SEC22C: variants seen among roughly 807,000 people sequenced by gnomAD.
SEC22C encodes SEC22 homolog C, vesicle trafficking protein.
In SEC22C, 29 loss-of-function variants were observed where a neutral mutation model predicts 34.7. That is an observed-to-expected ratio of 0.84 (90% CI 0.62 to 1.14). The LOEUF (loss-of-function observed/expected upper bound fraction) is 1.14, where lower values mean the gene tolerates loss of function less well. Ranked by LOEUF, SEC22C falls within the 50% of genes most tolerant of loss-of-function variation. The pLI, the probability that SEC22C is intolerant of heterozygous loss-of-function variation, is 0.00. For missense variants in SEC22C, 337 were observed against 369.0 expected (o/e 0.91, Z 0.71); for synonymous variants, 117 against 132.8 (o/e 0.88, Z 0.82).
Position 42,551,333 on chromosome 3 carries a change from A to G in SEC22C, c.*1915T>C. 1.0e-6 allele frequency: 1 copy of G among 985,282 alleles called. No homozygotes were observed. The highest frequency in any genetic ancestry group is 1.2e-6 in the Non-Finnish European group (1 of 829,888). 61.0% of individuals were successfully genotyped at this position (985,282 alleles called of 1,614,324 possible). On this transcript the variant is annotated 3_prime_UTR_variant, in exon 7 of 7. Coordinates refer to ENST00000264454, the MANE Select transcript of SEC22C (RefSeq NM_032970.4). ...GAGTTTATGTCTGAGTATGCTGCCA[A>G]TATAATTTTCATATTCAGACTTTTT...
chr3:42,599,411 G>A (rs941749979), intron 1 of SEC22C, among the ~76,000 whole-genome samples: 2 of 151,734 alleles, frequency 1.3e-5, no homozygotes, highest in African/African-American at 2.4e-5. Flanking sequence ...AGTCTTTTCA[G>A]GCCGGGCGCG....
intron 1 of SEC22C, chr3:42,581,369 T>G (rs1183177805): frequency 6.6e-6 from 1 of 152,222 alleles, no homozygotes; most frequent in African/African-American, 2.4e-5. Flanking sequence ...TGTAAATCTG[T>G]AATGAACACA....
chr3:42,556,777 G>T (rs1702552655), intron 5 of SEC22C, among the ~76,000 whole-genome samples: 1 of 152,098 alleles, frequency 6.6e-6, no homozygotes, highest in Admixed American at 6.5e-5. Context: ...AGGCTAGAGT[G>T]CAGTGGCGCA....
At chr3:42,572,742 T>C (rs1358278596) in intron 1 of SEC22C, among the ~76,000 whole-genome samples, 4 of 152,164 alleles carry the variant, frequency 2.6e-5, no homozygotes, top group Non-Finnish European at 5.9e-5. Flanking sequence ...TAAGTTTCAA[T>C]AGAAAATCAC....
intron 3 of SEC22C, among the ~76,000 whole-genome samples, chr3:42,562,087 A>G (rs1009526358): frequency 6.6e-6 from 1 of 152,224 alleles, no homozygotes; most frequent in African/African-American, 2.4e-5. Flanking sequence ...TAATTCTTAA[A>G]TTTATGTTAG....
chr3:42,548,885 C>T lies in SEC22C; in HGVS notation c.*4363G>A. 2 of 1,360,678 alleles carry T rather than the reference C, an allele frequency of 1.5e-6. No individual in the cohort carries two copies. The highest frequency in any genetic ancestry group is 1.9e-6 in the Non-Finnish European group (2 of 1,056,892). 84.3% of individuals were successfully genotyped at this position (1,360,678 alleles called of 1,614,324 possible). ...CAGGTGAATGTAAAGCCTTTCTCCT[C>T]CCACACACAATGGACTCACCCAGTA... On this transcript the variant is annotated 3_prime_UTR_variant, in exon 7 of 7. Coordinates refer to ENST00000264454, the MANE Select transcript of SEC22C (RefSeq NM_032970.4).
intron 1 of SEC22C, chr3:42,590,984 C>A (rs1286783208): frequency 1.4e-5 from 1 of 70,510 alleles, no homozygotes; most frequent in Non-Finnish European, 2.8e-5. Context: ...TCCACGCGGG[C>A]GGGCGGGCGG....
rs774133800 is a variant in SEC22C, at chr3:42,569,014, C to A, written c.33G>T (p.Arg11=). The change falls in exon 2 of 7, where the codon CGG becomes CGT. Residue 11 remains arginine (R), a synonymous_variant. Transcript: ENST00000264454. MSVIFFACVV[R]VRDGLPLSAS... ...CTGAGAGGGGCAGTCCATCCCTTAC[C>A]CGTACCACGCAGGCAAAAAAGATCA... 3.7e-6 allele frequency: 6 copies of A among 1,613,886 alleles called. No individual in the cohort carries two copies.
intron 2 of SEC22C, among the ~76,000 whole-genome samples, chr3:42,565,349 T>C (rs1003175325): frequency 8.5e-5 from 13 of 152,160 alleles, no homozygotes; most frequent in African/African-American, 3.1e-4. Context: ...TAAAAACTTT[T>C]CCAATCTAAA....
intron 1 of SEC22C, among the ~76,000 whole-genome samples, chr3:42,577,180 T>C (rs1704020166): frequency 6.6e-6 from 1 of 152,166 alleles, no homozygotes; most frequent in African/African-American, 2.4e-5. Flanking sequence ...GAGGAAATCT[T>C]CAGGACCTAT....
At chr3:42,569,130 C>A (rs1294074506) in intron 1 of SEC22C, 57 bp from the exon 2 acceptor site, 64 of 1,153,228 alleles carry the variant, frequency 5.5e-5, no homozygotes, top group Non-Finnish European at 7.4e-5. Context: ...CCAGAAATAC[C>A]CCCACCTGTG....
At position 42,548,948 on chromosome 3, in the gene SEC22C, C is replaced by G. The variant is rs558368946; in HGVS notation, c.*4300G>C. The G allele has an allele frequency of 1.7e-6, 2 of 1,194,790 alleles. No individual in the cohort carries two copies. Among genetic ancestry groups the G allele is most frequent in the Non-Finnish European group, 2.1e-6 (2 of 956,736 alleles). The allele number at this position is 1,194,790 out of a possible 1,614,324, so 74.0% of individuals were successfully genotyped here. ...ACCACTTTTGACCCTCATAACAGCACCCTGGCGGGGGGGCAGATTGATGTT... is the reference window on the plus strand; with the variant it reads ...ACCACTTTTGACCCTCATAACAGCAGCCTGGCGGGGGGGCAGATTGATGTT... On this transcript the variant is annotated 3_prime_UTR_variant, in exon 7 of 7. Transcript: ENST00000264454.
chr3:42,560,918 G>A (rs1198139158), intron 4 of SEC22C, among the ~76,000 whole-genome samples, 199 bp downstream of exon 4: 1 of 151,898 alleles, frequency 6.6e-6, no homozygotes, highest in Non-Finnish European at 1.5e-5. Context: ...GAGATTACAG[G>A]CATGAGCCTC....
rs563893505 is a variant in SEC22C at position 42,589,964 on chromosome 3, T to A, written c.-28+10996A>T. ...GTATGGTGCCTGGGCAGTCCCGGGT[T>A]GTTAAGGGTGAGAGTTCTAAAGCCA... On this transcript the variant is annotated intron_variant, in intron 1 of 6. Transcript: ENST00000417572. 2.0e-5 allele frequency among the ~76,000 whole-genome samples: 3 copies of A among 152,322 alleles called. No individual in the cohort carries two copies. The East Asian group carries it at 5.8e-4, about 29-fold the overall frequency.
chr3:42,560,667 CA>C (rs1232106468), intron 4 of SEC22C, among the ~76,000 whole-genome samples: 2 of 152,100 alleles, frequency 1.3e-5, no homozygotes, highest in African/African-American at 4.8e-5. Context: ...GACAGGGTCT[CA>C]TTCTGTCACC....
chr3:42,590,395 C>T (rs1252486771), intron 1 of SEC22C, among the ~76,000 whole-genome samples: 1 of 152,156 alleles, frequency 6.6e-6, no homozygotes, highest in African/African-American at 2.4e-5. Flanking sequence ...CTTTGGGAGG[C>T]CGAGGCGGGC....
At chr3:42,597,326 C>G (rs1375798547) in intron 1 of SEC22C, among the ~76,000 whole-genome samples, 1 of 152,108 alleles carries the variant, frequency 6.6e-6, no homozygotes, top group Non-Finnish European at 1.5e-5. Flanking sequence ...GAGGCCAACG[C>G]GGGCAGATCA....
chr3:42,561,350 A>C lies in SEC22C; in HGVS notation c.347-54T>G, dbSNP rs573462210. Reference sequence around the variant, plus strand: ...CATTTTCATCAGAATGGATATTATAAGACAATACGTACAAAATGAAGTTCA... The same window carrying C: ...CATTTTCATCAGAATGGATATTATACGACAATACGTACAAAATGAAGTTCA... On this transcript the variant is annotated intron_variant, in intron 3 of 6. Coordinates refer to ENST00000264454, the MANE Select transcript of SEC22C (RefSeq NM_032970.4). 6.6e-5 allele frequency: 102 copies of C among 1,541,424 alleles called. 1 individual carries two copies. Among genetic ancestry groups the C allele is most frequent in the South Asian group, 3.9e-4 (35 of 89,178 alleles).
upstream of SEC22C, among the ~76,000 whole-genome samples, chr3:42,585,606 G>C (rs1704584422): frequency 6.6e-6 from 1 of 152,102 alleles, no homozygotes; most frequent in Admixed American, 6.6e-5. Flanking sequence ...TGAGAGTTCA[G>C]GGTTTATCAC....
Sources: allele counts gnomAD v4.1 joint callset (sites outside exome capture counted in the v4.1 genomes callset), GRCh38; gene constraint gnomAD v4.1.1; transcripts MANE v1.5; gene names NCBI Gene and HGNC (gene_info 2026-07-23, HGNC 2026-07-21).